The following PODXL variants were observed in gnomAD, a reference collection of about 807,000 sequenced individuals.
The protein encoded by PODXL is podocalyxin like, also known as podocalyxin.
Under a neutral mutation model 48.9 loss-of-function variants are expected in PODXL, and 20 were observed. That is an observed-to-expected ratio of 0.41 (90% CI 0.29 to 0.59). The LOEUF (loss-of-function observed/expected upper bound fraction) is 0.59. PODXL is among the 20% of genes least tolerant of loss of function. PODXL has a pLI of 0.31. For missense variants in PODXL, 606 were observed against 675.1 expected, an observed-to-expected ratio of 0.90 and a Z score of 1.13; for synonymous variants, 295 against 287.4, an observed-to-expected ratio of 1.03 and a Z score of -0.27.
chr7:131,523,853 C>T (rs1020722493), intron 1 of PODXL, among the ~76,000 whole-genome samples: 7 of 149,594 alleles, frequency 4.7e-5, no homozygotes, highest in Non-Finnish European at 1.5e-5. Context: ...GGCTGGAGTA[C>T]AGTGGTGCAA....
intron 1 of PODXL, among the ~76,000 whole-genome samples, chr7:131,550,116 A>G (rs1798646050): frequency 6.6e-6 from 1 of 152,172 alleles, no homozygotes; most frequent in African/African-American, 2.4e-5. Flanking sequence ...ACATTTCTTA[A>G]CCACCTATTT....
intron 1 of PODXL, among the ~76,000 whole-genome samples, chr7:131,534,068 C>T (rs1191432340): frequency 7.1e-6 from 1 of 141,122 alleles, no homozygotes; most frequent in African/African-American, 2.5e-5. Flanking sequence ...TCCCCTTACC[C>T]GTTAGAGCCG....
At chr7:131,549,463 C>T (rs1233948376) in intron 1 of PODXL, among the ~76,000 whole-genome samples, 2 of 152,176 alleles carry the variant, frequency 1.3e-5, no homozygotes, top group East Asian at 3.9e-4. Context: ...AGTCCTCAGG[C>T]AGAGCTCCAT....
intron 1 of PODXL, among the ~76,000 whole-genome samples, chr7:131,539,250 G>A (rs2116849724): frequency 6.6e-6 from 1 of 152,320 alleles, no homozygotes; most frequent in African/African-American, 2.4e-5. Flanking sequence ...TGTGAGCCGG[G>A]GACCTCTTTG....
Position 131,504,189 on chromosome 7 carries a change from G to A in PODXL, c.*122C>T, listed in dbSNP as rs1797758589. The A allele has an allele frequency of 8.2e-6, 6 of 735,284 alleles. No individual in the cohort carries two copies. The South Asian group carries it at 8.7e-5, about 11-fold the overall frequency. 45.5% of individuals were successfully genotyped at this position (735,284 alleles called of 1,614,324 possible). On this transcript the variant is annotated 3_prime_UTR_variant, in exon 9 of 9. Transcript: ENST00000378555. ...GAAAAATTAAGGCCCTGGGGGGATT[G>A]GGAGGGGACACCCCTCGGAGTTCAC...
intron 1 of PODXL, among the ~76,000 whole-genome samples, chr7:131,529,009 A>T (rs1486605807): frequency 6.6e-6 from 1 of 152,076 alleles, no homozygotes; most frequent in Non-Finnish European, 1.5e-5. Context: ...AAATGCTGAG[A>T]TTTCAGAGGT....
At chr7:131,519,316 A>G (rs1055008858) in intron 1 of PODXL, among the ~76,000 whole-genome samples, 6 of 152,018 alleles carry the variant, frequency 3.9e-5, no homozygotes, top group African/African-American at 1.5e-4. Flanking sequence ...TCTCTTAGAG[A>G]CCTTTAGGTA....
intron 1 of PODXL, among the ~76,000 whole-genome samples, chr7:131,553,217 C>T (rs1202439847): frequency 6.6e-6 from 1 of 152,164 alleles, no homozygotes; most frequent in Non-Finnish European, 1.5e-5. Flanking sequence ...TTCATAGAGC[C>T]TCAGCCACAT....
Position 131,501,451 on chromosome 7 carries a change from TG to T in PODXL, c.*2859del, listed in dbSNP as rs1239890352. 6.6e-6 allele frequency: 1 copy of T among 152,662 alleles called. No individual in the cohort carries two copies. The highest frequency in any genetic ancestry group is 1.5e-5 in the Non-Finnish European group (1 of 68,028). The allele number at this position is 152,662 out of a possible 1,614,324, so 9.5% of individuals were successfully genotyped here. On this transcript the variant is annotated 3_prime_UTR_variant, in exon 9 of 9. Transcript: ENST00000378555. ...CAAGAAGTGGTTTAAATAAACTTTC[TG>T]CTAGCTTTCCTTATCAAGCGGGAAA... is the stretch of plus-strand genomic sequence containing the variant.
chr7:131,533,828 T>C (rs1798322675), intron 1 of PODXL, among the ~76,000 whole-genome samples: 1 of 152,174 alleles, frequency 6.6e-6, no homozygotes, highest in East Asian at 1.9e-4. Context: ...CGGCTTCCAG[T>C]CCACACACAA....
chr7:131,549,780 A>G (rs116981392), intron 1 of PODXL, among the ~76,000 whole-genome samples: 4 of 152,078 alleles, frequency 2.6e-5, no homozygotes, highest in African/African-American at 4.8e-5. Flanking sequence ...GGCCATGACA[A>G]TTGGTGGACG....
rs1014857718 is a variant in PODXL, at chr7:131,502,275, T to A, written c.*2036A>T. On this transcript the variant is annotated 3_prime_UTR_variant, in exon 9 of 9. Transcript: ENST00000378555. ...CACCTCACTCAAGCCTAACAAGATT[T>A]CCTGTTTTCCCCCAAACAGGCACTG... 3 of 152,184 alleles carry A rather than the reference T, an allele frequency of 2.0e-5. No homozygotes were observed. The highest frequency in any genetic ancestry group is 7.2e-5 in the African/African-American group (3 of 41,424). 9.4% of individuals were successfully genotyped at this position (152,184 alleles called of 1,614,324 possible).
At chr7:131,556,141 C>A in intron 1 of PODXL, 119 bp downstream of exon 1, 1 of 1,269,788 alleles carries the variant, frequency 7.9e-7, no homozygotes, top group Non-Finnish European at 1.0e-6. Flanking sequence ...GTGACCCCGG[C>A]GGTGATAGGG....
Position 131,504,493 on chromosome 7 carries a change from CCT to C in PODXL, c.1493_1494del (p.Glu498GlyfsTer11), listed in dbSNP as rs1381329134. 1 of 1,614,174 alleles carries C rather than the reference CCT, an allele frequency of 6.2e-7. No individual in the cohort carries two copies. The highest frequency in any genetic ancestry group is 8.5e-7 in the Non-Finnish European group (1 of 1,179,992). ...TAACCATTCTCCACTGTCTGCAGCT[CCT>C]CTGTTAGCCGCTGCTAGAGTGGGGA... Reference protein sequence around the residue: ...SQRKDQQRLTEELQTVENGYH... With the variant: ...SQRKDQQRLTXELQTVENGYH... On this transcript the variant is annotated frameshift_variant, in exon 9 of 9. Transcript: ENST00000378555. LOFTEE classifies it high-confidence loss of function.
At chr7:131,507,046 G>A in intron 5 of PODXL, 1 of 292,398 alleles carries the variant, frequency 3.4e-6, no homozygotes, top group African/African-American at 2.1e-5. Context: ...CGGATTGGGG[G>A]TTGTTTTCAT....
chr7:131,526,840 A>G (rs908899350), intron 1 of PODXL, among the ~76,000 whole-genome samples: 1 of 143,442 alleles, frequency 7.0e-6, no homozygotes, highest in African/African-American at 2.6e-5. Context: ...GGTTCAAGCA[A>G]TTCTCCTGCC....
chr7:131,525,426 C>CAAAAAAAAAAAA lies in PODXL; in HGVS notation c.101-14005_101-13994dup, dbSNP rs57927217. On this transcript the variant is annotated intron_variant, in intron 1 of 8. Transcript: ENST00000378555. ...CAACATGGCAAAACCTCATCTCTAC[C>CAAAAAAAAAAAA]AAAAAAAAAAAAAAAAAAAAAAAAA... Among the ~76,000 whole-genome samples, 17 of 59,230 alleles carry CAAAAAAAAAAAA rather than the reference C, an allele frequency of 2.9e-4. 1 individual carries two copies. Among genetic ancestry groups the CAAAAAAAAAAAA allele is most frequent in the African/African-American group, 4.5e-4 (6 of 13,324 alleles). The allele number at this position is 59,230 out of a possible 152,430, so 38.9% of individuals were successfully genotyped here.
chr7:131,509,449 G>A lies in PODXL; in HGVS notation c.939C>T (p.Thr313=). The A allele has an allele frequency of 2.5e-6, 4 of 1,614,114 alleles. No individual in the cohort carries two copies. Among genetic ancestry groups the A allele is most frequent in the Non-Finnish European group, 3.4e-6 (4 of 1,180,010 alleles). ...ATGCTGCTGTGGGGCTGGAGCTCAT[G>A]GTCTCTGGCAGGGTAGGTGTTCTCA... The part of the protein sequence containing the change: ...TALRTPTLPE[T]MSSSPTAAST... The change falls in exon 4 of 9, where the codon ACC becomes ACT. Residue 313 remains threonine (T), a synonymous_variant. Transcript: ENST00000378555.
At chr7:131,536,741 G>A (rs996925492) in intron 1 of PODXL, among the ~76,000 whole-genome samples, 1 of 152,126 alleles carries the variant, frequency 6.6e-6, no homozygotes, top group Non-Finnish European at 1.5e-5. Context: ...CTCACAGTAG[G>A]TTCTACTGTG....
Sources: gnomAD v4.1 joint callset for allele counts (sites outside exome capture counted in the v4.1 genomes callset) on GRCh38, gnomAD v4.1.1 for gene constraint, MANE v1.5 for transcripts, NCBI Gene and HGNC (gene_info 2026-07-23, HGNC 2026-07-21) for gene names.